CSMD1: variants seen among roughly 807,000 people sequenced by gnomAD.
The protein encoded by CSMD1 is CUB and Sushi multiple domains 1, also known as CUB and sushi domain-containing protein 1.
In CSMD1, 213 loss-of-function variants were observed where a neutral mutation model predicts 417.5. The observed-to-expected ratio is 0.51, with a 90% CI of 0.46 to 0.57. The LOEUF (loss-of-function observed/expected upper bound fraction) is 0.57, where lower values mean the gene tolerates loss of function less well. CSMD1 is among the 20% of genes least tolerant of loss of function. The pLI is 0.00. For synonymous variants in CSMD1, 2,862 were observed against 1,736.8 expected (o/e 1.65, Z -16.11); for missense variants, 6,923 against 4,529.7 (o/e 1.53, Z -15.17).
At chr8:3,967,804 C>T (rs1774139769) in intron 5 of CSMD1, among the ~76,000 whole-genome samples, 1 of 151,890 alleles carries the variant, frequency 6.6e-6, no homozygotes. Flanking sequence ...ATCCAATTTG[C>T]TTGAGAATAT....
chr8:3,574,696 T>C (rs1454879715), intron 10 of CSMD1, among the ~76,000 whole-genome samples: 2 of 152,184 alleles, frequency 1.3e-5, no homozygotes, highest in Non-Finnish European at 1.5e-5. Flanking sequence ...CTATGATACA[T>C]AAAGGAGGAA....
intron 8 of CSMD1, among the ~76,000 whole-genome samples, chr8:3,603,708 C>G (rs2117093333): frequency 6.6e-6 from 1 of 152,260 alleles, no homozygotes; most frequent in East Asian, 1.9e-4. Flanking sequence ...ATTATAGTTT[C>G]CAAATTTTCT....
intron 3 of CSMD1, among the ~76,000 whole-genome samples, chr8:4,126,551 C>G (rs1375666791): frequency 1.3e-5 from 2 of 152,176 alleles, no homozygotes; most frequent in Non-Finnish European, 2.9e-5. Flanking sequence ...GGCCACTGAT[C>G]CACAATTGTG....
intron 3 of CSMD1, among the ~76,000 whole-genome samples, chr8:4,106,094 G>A (rs146037158): frequency 6.6e-6 from 1 of 152,184 alleles, no homozygotes; most frequent in Non-Finnish European, 1.5e-5. Flanking sequence ...AGTCTCTGAG[G>A]CAGGACAACC....
At chr8:3,101,993 C>A (rs1232361145) in intron 46 of CSMD1, among the ~76,000 whole-genome samples, 1 of 151,522 alleles carries the variant, frequency 6.6e-6, no homozygotes, top group East Asian at 1.9e-4. Context: ...GTAGAGACAG[C>A]GTTTCACCAT....
At chr8:3,000,743 G>C (rs1807327755) in intron 52 of CSMD1, among the ~76,000 whole-genome samples, 1 of 152,186 alleles carries the variant, frequency 6.6e-6, no homozygotes, top group Non-Finnish European at 1.5e-5. Flanking sequence ...GCGTGGACTT[G>C]GGACAACAGG....
At chr8:3,051,909 T>G (rs1811845736) in intron 50 of CSMD1, among the ~76,000 whole-genome samples, 1 of 152,218 alleles carries the variant, frequency 6.6e-6, no homozygotes, top group Admixed American at 6.5e-5. Context: ...TTTGTTACTC[T>G]TTTAAGATTA....
intron 2 of CSMD1, among the ~76,000 whole-genome samples, chr8:4,607,790 C>G (rs904337754): frequency 2.6e-5 from 4 of 152,174 alleles, no homozygotes; most frequent in African/African-American, 9.7e-5. Flanking sequence ...TCCTCACTCC[C>G]TTTCTTGAGT....
At chr8:4,191,901 GGAAA>G in intron 3 of CSMD1, among the ~76,000 whole-genome samples, 1 of 152,280 alleles carries the variant, frequency 6.6e-6, no homozygotes, top group South Asian at 2.1e-4. Context: ...TCAAAGATGA[GGAAA>G]GAAAGTGAGC....
At chr8:3,523,641 GCA>G (rs1054174200) in intron 10 of CSMD1, among the ~76,000 whole-genome samples, 2 of 148,486 alleles carry the variant, frequency 1.3e-5, no homozygotes, top group African/African-American at 2.5e-5. Flanking sequence ...CGAGACACGT[GCA>G]CACACAGGCA....
chr8:4,169,143 C>A (rs557712156), intron 3 of CSMD1, among the ~76,000 whole-genome samples: 6 of 152,250 alleles, frequency 3.9e-5, no homozygotes, highest in African/African-American at 7.2e-5. Context: ...TGGTGATGCC[C>A]AGCTTAATGG....
At chr8:4,607,121 CT>C (rs749308106) in intron 2 of CSMD1, among the ~76,000 whole-genome samples, 45 of 151,940 alleles carry the variant, frequency 3.0e-4, no homozygotes, top group African/African-American at 7.2e-4. Context: ...GTTTGGAGCA[CT>C]TTTTTTTACC....
chr8:4,633,250 T>C (rs1008383934), intron 2 of CSMD1, among the ~76,000 whole-genome samples: 2 of 151,774 alleles, frequency 1.3e-5, no homozygotes, highest in Non-Finnish European at 2.9e-5. Context: ...TGTTCGTTTG[T>C]TTCTTTGTTT....
intron 41 of CSMD1, among the ~76,000 whole-genome samples, chr8:3,120,415 A>G (rs1342688933): frequency 6.6e-6 from 1 of 152,222 alleles, no homozygotes; most frequent in African/African-American, 2.4e-5. Context: ...TCACAAGATT[A>G]ATGTAAGTGC....
intron 5 of CSMD1, among the ~76,000 whole-genome samples, chr8:3,994,618 C>G (rs749632642): frequency 6.6e-6 from 1 of 151,644 alleles, no homozygotes; most frequent in Non-Finnish European, 1.5e-5. Context: ...TAGAATCCGA[C>G]TAGTTAAAAA....
intron 10 of CSMD1, among the ~76,000 whole-genome samples, chr8:3,513,438 G>T (rs114098101): frequency 6.6e-6 from 1 of 151,272 alleles, no homozygotes; most frequent in Non-Finnish European, 1.5e-5. Context: ...GCATTCTCCC[G>T]ACTCAGCCTC....
At chr8:3,802,983 G>A (rs1800539732) in intron 5 of CSMD1, among the ~76,000 whole-genome samples, 1 of 152,056 alleles carries the variant, frequency 6.6e-6, no homozygotes, top group African/African-American at 2.4e-5. Flanking sequence ...CATGTTGTAG[G>A]GTGAAATATT....
chr8:3,923,373 T>C (rs757225377), intron 5 of CSMD1, among the ~76,000 whole-genome samples: 2 of 152,202 alleles, frequency 1.3e-5, no homozygotes, highest in Non-Finnish European at 2.9e-5. Context: ...CCCCTTCCCA[T>C]TGCAATTTCC....
intron 3 of CSMD1, among the ~76,000 whole-genome samples, chr8:4,301,404 C>A (rs1002848485): frequency 2.0e-5 from 3 of 152,142 alleles, no homozygotes; most frequent in Non-Finnish European, 4.4e-5. Context: ...GTTGTGTCTC[C>A]AGGATGGTAC....
Sources: allele counts gnomAD v4.1 joint callset (sites outside exome capture counted in the v4.1 genomes callset), GRCh38; gene constraint gnomAD v4.1.1; transcripts MANE v1.5; gene names NCBI Gene and HGNC (gene_info 2026-07-23, HGNC 2026-07-21).